Variants in TPCN1 observed in about 807,000 individuals in gnomAD.
The protein encoded by TPCN1 is two pore segment channel 1.
A neutral mutation model predicts 108.8 loss-of-function variants in TPCN1; 52 were observed. The observed-to-expected ratio is 0.48, with a 90% confidence interval of 0.38 to 0.60. The LOEUF (loss-of-function observed/expected upper bound fraction) is 0.60. Among genes scored for constraint, TPCN1 ranks in the 20% least tolerant of loss-of-function variants. The pLI is 0.00. For missense variants in TPCN1, 806 were observed against 1,072.8 expected, an observed-to-expected ratio of 0.75 and a Z score of 3.47; for synonymous variants, 446 against 433.7, an observed-to-expected ratio of 1.03 and a Z score of -0.35.
At chr12:113,221,656 C>T in intron 1 of TPCN1, 30 bp downstream of exon 1, 1 of 179,332 alleles carries the variant, frequency 5.6e-6, no homozygotes. Context: ...GACGGCTTGG[C>T]CCGAGGGAGA....
In TPCN1 at chr12:113,289,715, C is replaced by T. The variant is rs539280107; in HGVS notation, c.1797-413C>T. 5.4e-4 allele frequency among the ~76,000 whole-genome samples: 82 copies of T among 152,348 alleles called. No individual in the cohort carries two copies. The highest frequency in any genetic ancestry group is 1.0e-3 in the Non-Finnish European group (71 of 68,036). ...AACCTTTTCAAATACTTGCTCAGGC[C>T]AAGTATTGGGGAAGCCCCAGTAGGG... On this transcript the variant is annotated intron_variant, in intron 21 of 27. Transcript: ENST00000335509. The surrounding 1 kb of genome is among the most constrained non-coding windows in gnomAD (Gnocchi z 4.1).
chr12:113,246,716 C>T (rs921822299), intron 2 of TPCN1, among the ~76,000 whole-genome samples: 8 of 152,320 alleles, frequency 5.3e-5, no homozygotes, highest in East Asian at 1.9e-4. Flanking sequence ...TGGGCCCCTG[C>T]GACGTGCCCC....
intron 7 of TPCN1, among the ~76,000 whole-genome samples, chr12:113,270,784 G>A (rs1182270594): frequency 6.6e-6 from 1 of 151,918 alleles, no homozygotes; most frequent in Non-Finnish European, 1.5e-5. Context: ...CGGCCTCTGG[G>A]ACCTCTTTTA....
intron 15 of TPCN1, among the ~76,000 whole-genome samples, chr12:113,280,783 G>T (rs769458181): frequency 6.6e-6 from 1 of 152,176 alleles, no homozygotes; most frequent in Non-Finnish European, 1.5e-5. Context: ...CTAACCTAGA[G>T]GCTTGATCCA....
intron 2 of TPCN1, chr12:113,244,214 A>C: frequency 5.9e-6 from 4 of 678,172 alleles, no homozygotes; most frequent in Non-Finnish European, 7.3e-6. Context: ...CCCTCCCTCT[A>C]GAACAGGGCT....
chr12:113,224,685 C>T (rs1342837231), intron 1 of TPCN1, among the ~76,000 whole-genome samples: 3 of 152,080 alleles, frequency 2.0e-5, no homozygotes, highest in African/African-American at 4.8e-5. Flanking sequence ...CATGAGCCAC[C>T]GCGCCTGGCC....
Position 113,259,266 on chromosome 12 carries a change from C to T in TPCN1, c.113-1102C>T, listed in dbSNP as rs112211868. 0.012 allele frequency among the ~76,000 whole-genome samples: 1,831 copies of T among 152,286 alleles called. 68 individuals are homozygous for T. In the East Asian group the frequency reaches 0.15, roughly 12 times the overall value. ...TGCTGGGATTACAGGCGTGAGCCAC[C>T]GTGCTCAGCCCAAAACATTAGATTC... On this transcript the variant is annotated intron_variant, in intron 2 of 27. Coordinates refer to ENST00000335509, the MANE Select transcript of TPCN1 (RefSeq NM_017901.6).
At chr12:113,291,826 C>T (rs1269918780) in intron 24 of TPCN1, 48 bp from the exon 25 acceptor site, 1 of 1,472,136 alleles carries the variant, frequency 6.8e-7, no homozygotes, top group South Asian at 1.1e-5. Flanking sequence ...CGGACACCTA[C>T]CCACCCTCCT....
chr12:113,260,266 T>C, intron 2 of TPCN1, 102 bp from the exon 3 acceptor site: 8 of 1,303,998 alleles, frequency 6.1e-6, no homozygotes, highest in South Asian at 5.2e-5. Context: ...GGGATGTCCA[T>C]GTGAGCATAT....
chr12:113,284,482 G>T lies in TPCN1; in HGVS notation c.1343-99G>T, dbSNP rs1024579745. The T allele has an allele frequency of 5.1e-6, 7 of 1,376,484 alleles. No homozygotes were observed. In the African/African-American group the frequency reaches 7.1e-5, roughly 14 times the overall value. The allele number at this position is 1,376,484 out of a possible 1,614,324, so 85.3% of individuals were successfully genotyped here. A position where few individuals can be genotyped will look rare whatever the true frequency, so the allele number is the denominator to read the frequency against. ...GGAGCAGCCCTGTTCTCCCCATCCC[G>T]TAGAGCTCCAGGAAGTTAACCAGGG... On this transcript the variant is annotated intron_variant, in intron 15 of 27. Coordinates refer to ENST00000335509, the MANE Select transcript of TPCN1 (RefSeq NM_017901.6). The surrounding 1 kb of genome is among the most constrained non-coding windows in gnomAD (Gnocchi z 4.1).
rs1298480962 is a variant in TPCN1 at position 113,272,788 on chromosome 12, G to C, written c.783+96G>C. 4.8e-6 allele frequency: 6 copies of C among 1,260,222 alleles called. No individual in the cohort carries two copies. Among genetic ancestry groups the C allele is most frequent in the African/African-American group, 1.5e-5 (1 of 67,406 alleles). 78.1% of individuals were successfully genotyped at this position (1,260,222 alleles called of 1,614,324 possible). A position where few individuals can be genotyped will look rare whatever the true frequency, so the allele number is the denominator to read the frequency against. ...TGACCCTGTGGCCATATGGGGAAGG[G>C]GGGGCCTGCCTGGTTTCTCATCATA... On this transcript the variant is annotated intron_variant, in intron 8 of 27. Coordinates refer to ENST00000335509, the MANE Select transcript of TPCN1 (RefSeq NM_017901.6). The surrounding 1 kb of genome is among the most constrained non-coding windows in gnomAD (Gnocchi z 4.1).
chr12:113,288,865 A>C lies in TPCN1; in HGVS notation c.1796+18A>C, dbSNP rs762506582. 2.7e-5 allele frequency: 43 copies of C among 1,611,830 alleles called. No homozygotes were observed. The highest frequency in any genetic ancestry group is 3.3e-5 in the Non-Finnish European group (39 of 1,179,150). On this transcript the variant is annotated intron_variant, in intron 21 of 27. Coordinates refer to ENST00000335509, the MANE Select transcript of TPCN1 (RefSeq NM_017901.6). This position sits in a 1 kb window ranked among gnomAD's most constrained non-coding sequence, Gnocchi z 4.8. ...TGCTGCAAGTGAGTAGGCCCCACCCAGCCCCAGGCAGCCTGCATTTCCCGG... is the reference window on the plus strand; with the variant it reads ...TGCTGCAAGTGAGTAGGCCCCACCCCGCCCCAGGCAGCCTGCATTTCCCGG...
At chr12:113,248,038 A>C (rs1237558331) in intron 2 of TPCN1, among the ~76,000 whole-genome samples, 3 of 152,128 alleles carry the variant, frequency 2.0e-5, no homozygotes, top group Non-Finnish European at 2.9e-5. Context: ...ATTACTCTTA[A>C]CACAAAACAG....
chr12:113,261,107 G>A (rs768243968), intron 3 of TPCN1, among the ~76,000 whole-genome samples: 34 of 151,996 alleles, frequency 2.2e-4, no homozygotes, highest in African/African-American at 4.3e-4. Context: ...CAGGAGAATC[G>A]CATGAGATGG....
Position 113,288,127 on chromosome 12 carries a change from CTG to C in TPCN1, c.1635-29_1635-28del. 6.3e-7 allele frequency: 1 copy of C among 1,591,076 alleles called. No homozygotes were observed. The highest frequency in any genetic ancestry group is 8.6e-7 in the Non-Finnish European group (1 of 1,163,208). On this transcript the variant is annotated intron_variant, in intron 19 of 27. Coordinates refer to ENST00000335509, the MANE Select transcript of TPCN1 (RefSeq NM_017901.6). The surrounding 1 kb of genome is among the most constrained non-coding windows in gnomAD (Gnocchi z 4.8). ...TGAGGGCGGGGGCTGAGGCGTGCAC[CTG>C]TGTGTGGAGGTGACGGGTGTCCTCC...
rs150267478 is a variant in TPCN1 at position 113,227,687 on chromosome 12, C to T, written c.112+723C>T. On this transcript the variant is annotated intron_variant, in intron 2 of 27. Coordinates refer to ENST00000335509, the MANE Select transcript of TPCN1 (RefSeq NM_017901.6). ...AAATAACTCGCCTTTTCTGGAGGGT[C>T]CTAAGACATCAGGAAGCAGTGCTTT... Among the ~76,000 whole-genome samples, 629 of 152,226 alleles carry T rather than the reference C, an allele frequency of 4.1e-3. 9 individuals carry two copies. Among genetic ancestry groups the T allele is most frequent in the African/African-American group, 0.013 (549 of 41,526 alleles).
rs1203529126 is a variant in TPCN1 at position 113,298,510 on chromosome 12, GGTGGTTTGTTTCCTAGAAAACCCATT to G, written c.*2438_*2463del. ...GCAATGCTGTACGGTTTTGTACACT[GGTGGTTTGTTTCCTAGAAAACCCATT>G]GTGTCTCTGGATTTCTAGCACATTA... On this transcript the variant is annotated 3_prime_UTR_variant, in exon 28 of 28. Transcript: ENST00000335509. 6.6e-6 allele frequency: 1 copy of G among 152,274 alleles called. No homozygotes were observed. Among genetic ancestry groups the G allele is most frequent in the Non-Finnish European group, 1.5e-5 (1 of 68,062 alleles). The allele number at this position is 152,274 out of a possible 1,614,324, so 9.4% of individuals were successfully genotyped here. A position where few individuals can be genotyped will look rare whatever the true frequency, so the allele number is the denominator to read the frequency against.
Position 113,290,209 on chromosome 12 carries a change from T to C in TPCN1, c.1878T>C (p.Tyr626=), listed in dbSNP as rs370094812. 1.2e-5 allele frequency: 20 copies of C among 1,605,810 alleles called. No individual in the cohort carries two copies. The highest frequency in any genetic ancestry group is 1.4e-5 in the Non-Finnish European group (17 of 1,175,638). Residue 626 remains tyrosine, a synonymous_variant, in exon 22 of 28, where the codon TAT becomes TAC. Coordinates refer to ENST00000335509, the MANE Select transcript of TPCN1 (RefSeq NM_017901.6). ...NRTVVEEGYY[Y]LNNFDNILNS... is the part of the protein sequence containing the mutation. ...CCGTGGTGGAGGAAGGCTACTATTA[T>C]CTCAATAATTTTGACAACATCCTCA...
chr12:113,268,956 G>A lies in TPCN1; in HGVS notation c.659+84G>A. 6.5e-7 allele frequency: 1 copy of A among 1,534,338 alleles called. No individual in the cohort carries two copies. The highest frequency in any genetic ancestry group is 9.0e-7 in the Non-Finnish European group (1 of 1,117,162). On this transcript the variant is annotated intron_variant, in intron 6 of 27. Coordinates refer to ENST00000335509, the MANE Select transcript of TPCN1 (RefSeq NM_017901.6). The surrounding 1 kb of genome is among the most constrained non-coding windows in gnomAD (Gnocchi z 7.3). ...CAGTGGGGCAGGAGCTTGTGAGTCAGTTAGTGATGAGGTCGACCCTGCATG... is the reference window on the plus strand; with the variant it reads ...CAGTGGGGCAGGAGCTTGTGAGTCAATTAGTGATGAGGTCGACCCTGCATG...
Sources: allele counts gnomAD v4.1 joint callset (sites outside exome capture counted in the v4.1 genomes callset), GRCh38; gene constraint gnomAD v4.1.1; non-coding constraint Gnocchi (gnomAD v3.1); transcripts MANE v1.5; gene names NCBI Gene and HGNC (gene_info 2026-07-23, HGNC 2026-07-21).